The following TAFA2 variants were observed in gnomAD, a reference collection of about 807,000 sequenced individuals.
TAFA2 encodes the protein chemokine-like protein TAFA-2.
Under a neutral mutation model 18.8 loss-of-function variants are expected in TAFA2, and 7 were observed. That is an observed-to-expected ratio of 0.37 (90% CI 0.21 to 0.70). The LOEUF is 0.70. Among genes scored for constraint, TAFA2 ranks in the 30% least tolerant of loss-of-function variants. The pLI, the probability that TAFA2 is intolerant of heterozygous loss-of-function variation, is 0.53. For synonymous variants in TAFA2, 60 were observed against 54.2 expected, an observed-to-expected ratio of 1.11 and a Z score of -0.47; for missense variants, 122 against 158.1, an observed-to-expected ratio of 0.77 and a Z score of 1.23.
chr12:61,882,223 C>T (rs149871058), intron 1 of TAFA2, among the ~76,000 whole-genome samples: 1 of 152,232 alleles, frequency 6.6e-6, no homozygotes, highest in East Asian at 1.9e-4. Flanking sequence ...TACACTTTAG[C>T]AGTGGCACAT....
At chr12:62,165,827 A>C (rs1411278542) in intron 1 of TAFA2, among the ~76,000 whole-genome samples, 1 of 151,958 alleles carries the variant, frequency 6.6e-6, no homozygotes, top group Non-Finnish European at 1.5e-5. Context: ...TCACAATCTT[A>C]CAAACTCCCC....
intron 1 of TAFA2, among the ~76,000 whole-genome samples, chr12:62,011,783 A>G (rs1384958310): frequency 6.6e-6 from 1 of 151,324 alleles, no homozygotes; most frequent in East Asian, 1.9e-4. Flanking sequence ...AAGAAACTGT[A>G]GTATAAGGTA....
In TAFA2 at chr12:62,188,091, G is replaced by A. The variant is rs1454974980; in HGVS notation, c.-2+3168C>T. ...GCAGCTGGTTTGGCCTTCATATCTA[G>A]CAGCAGGCTGTGTTAATGCATTTCT... On this transcript the variant is annotated intron_variant, in intron 1 of 4. Coordinates refer to ENST00000416284, the MANE Select transcript of TAFA2 (RefSeq NM_178539.5). Among the ~76,000 whole-genome samples, 3 of 152,274 alleles carry A rather than the reference G, an allele frequency of 2.0e-5. No homozygotes were observed. The South Asian group carries it at 6.2e-4, about 32-fold the overall frequency.
At chr12:61,904,957 C>T (rs1465186682) in intron 1 of TAFA2, among the ~76,000 whole-genome samples, 1 of 152,120 alleles carries the variant, frequency 6.6e-6, no homozygotes, top group African/African-American at 2.4e-5. Flanking sequence ...TGTTTTTAAA[C>T]ATAGTATCTT....
chr12:62,153,929 ATGTTATG>A (rs2062348990), intron 1 of TAFA2, among the ~76,000 whole-genome samples: 1 of 142,142 alleles, frequency 7.0e-6, no homozygotes, highest in African/African-American at 2.5e-5. Context: ...AAATTATGTT[ATGTTATG>A]TTATGTTATG....
chr12:62,226,123 T>G (rs1390652117), intron 1 of TAFA2, among the ~76,000 whole-genome samples: 2 of 152,196 alleles, frequency 1.3e-5, no homozygotes, highest in Admixed American at 6.6e-5. Flanking sequence ...CTTTCTCCAG[T>G]AAGTACCTTT....
chr12:62,097,527 G>T (rs937593903), intron 1 of TAFA2, among the ~76,000 whole-genome samples: 1 of 152,124 alleles, frequency 6.6e-6, no homozygotes, highest in Non-Finnish European at 1.5e-5. Context: ...ATCATGGCTT[G>T]TAGGTCATGT....
intron 1 of TAFA2, among the ~76,000 whole-genome samples, chr12:61,908,651 T>C (rs1311733421): frequency 1.3e-5 from 2 of 152,154 alleles, no homozygotes; most frequent in Non-Finnish European, 2.9e-5. Flanking sequence ...TGCTAAGATG[T>C]CTCAAAACTG....
At chr12:62,124,411 A>G (rs977383920) in intron 1 of TAFA2, among the ~76,000 whole-genome samples, 1 of 152,180 alleles carries the variant, frequency 6.6e-6, no homozygotes, top group African/African-American at 2.4e-5. Flanking sequence ...TTGAGCCTAC[A>G]GTCACACACA....
At chr12:62,049,687 A>G (rs1227055003) in intron 1 of TAFA2, among the ~76,000 whole-genome samples, 1 of 152,244 alleles carries the variant, frequency 6.6e-6, no homozygotes, top group Admixed American at 6.5e-5. Context: ...AAGTCAACAT[A>G]TACAGGAAAA....
intron 2 of TAFA2, among the ~76,000 whole-genome samples, chr12:61,857,605 T>A (rs1344609633): frequency 2.0e-5 from 3 of 152,168 alleles, no homozygotes; most frequent in Non-Finnish European, 4.4e-5. Flanking sequence ...TGGCTTCTGG[T>A]TAGATTCTAA....
At chr12:61,882,150 C>A (rs1168909667) in intron 1 of TAFA2, among the ~76,000 whole-genome samples, 1 of 152,086 alleles carries the variant, frequency 6.6e-6, no homozygotes, top group African/African-American at 2.4e-5. Flanking sequence ...AATCCAGAGG[C>A]TAAAACACAG....
At position 61,861,694 on chromosome 12, in the gene TAFA2, A is replaced by C. The variant is rs139943034; in HGVS notation, c.106+5626T>G. Among the ~76,000 whole-genome samples the C allele has an allele frequency of 1.5e-3, 221 of 152,302 alleles. 4 individuals are homozygous for C. The highest frequency in any genetic ancestry group is 5.1e-3 in the African/African-American group (211 of 41,570). On this transcript the variant is annotated intron_variant, in intron 2 of 4. Transcript: ENST00000416284. ...AAACAAATGAAGATCTGTCCAGAAA[A>C]ATTTATGGCTATGTCTCCCAGGCTT...
intron 1 of TAFA2, among the ~76,000 whole-genome samples, chr12:61,923,991 T>C (rs1877169662): frequency 6.6e-6 from 1 of 150,454 alleles, no homozygotes; most frequent in African/African-American, 2.4e-5. Context: ...ATATCAGAGA[T>C]TGAAGATCAA....
At position 61,995,435 on chromosome 12, in the gene TAFA2, A is replaced by G. The variant is rs548482074; in HGVS notation, c.-1-128009T>C. On this transcript the variant is annotated intron_variant, in intron 1 of 4. Transcript: ENST00000416284. ...TTCACTACATTTTCTCTAATTGTAT[A>G]CTATGTTTTATCACAGCACTTCTCA... Among the ~76,000 whole-genome samples the G allele has an allele frequency of 6.6e-5, 10 of 152,290 alleles. No individual in the cohort carries two copies. The East Asian group carries it at 1.9e-3, about 29-fold the overall frequency.
intron 1 of TAFA2, among the ~76,000 whole-genome samples, chr12:62,238,887 C>T (rs1312743416): frequency 1.3e-5 from 2 of 152,096 alleles, no homozygotes; most frequent in Non-Finnish European, 2.9e-5. Context: ...ATCCTTGGAC[C>T]ACTCTTGCTC....
chr12:61,710,411 G>C lies in TAFA2; in HGVS notation c.391C>G (p.His131Asp), dbSNP rs1869343800. 6.2e-7 allele frequency: 1 copy of C among 1,607,792 alleles called. No homozygotes were observed. Among genetic ancestry groups the C allele is most frequent in the Non-Finnish European group, 8.5e-7 (1 of 1,174,642 alleles). ...GNKVKTTRVTH is the reference protein window; with the variant it reads ...GNKVKTTRVTD ...ATCACTTGATTTCTCCTGGGTTAATGGGTTACCTACAAAGGAAGGAGAAAA... is the reference window on the plus strand; with the variant it reads ...ATCACTTGATTTCTCCTGGGTTAATCGGTTACCTACAAAGGAAGGAGAAAA... The change falls in exon 5 of 5, where the codon CAT (histidine) becomes GAT (aspartate). Residue 131 changes from histidine to aspartate, a missense_variant. Coordinates refer to ENST00000416284, the MANE Select transcript of TAFA2 (RefSeq NM_178539.5).
rs7303262 is a variant in TAFA2, at chr12:62,239,056, G to C, written c.-130+19707C>G. Among the ~76,000 whole-genome samples, 174 of 152,214 alleles carry C rather than the reference G, an allele frequency of 1.1e-3. No individual in the cohort carries two copies. The Middle Eastern group carries it at 0.014, about 12-fold the overall frequency. On this transcript the variant is annotated intron_variant, in intron 1 of 5. Coordinates refer to the TAFA2 transcript ENST00000551619. ...TTTGAAGACTTTAGATCTTTTCACA[G>C]AATTTCTCTTTCCACAGAAGCCAGC... is the stretch of plus-strand genomic sequence containing the variant.
At chr12:61,880,426 A>C (rs1001786982) in intron 1 of TAFA2, 1 of 539,326 alleles carries the variant, frequency 1.9e-6, no homozygotes, top group African/African-American at 1.9e-5. Flanking sequence ...AGGACATGGC[A>C]CAGCAGCTGC....
Sources: allele counts gnomAD v4.1 joint callset (sites outside exome capture counted in the v4.1 genomes callset), GRCh38; gene constraint gnomAD v4.1.1; transcripts MANE v1.5; gene names NCBI Gene and HGNC (gene_info 2026-07-23, HGNC 2026-07-21).